The following SPATA6 variants were observed in gnomAD, a reference collection of about 807,000 sequenced individuals.
SPATA6 encodes the protein spermatogenesis-associated protein 6.
A neutral mutation model predicts 65.3 loss-of-function variants in SPATA6; 56 were observed. That is an observed-to-expected ratio of 0.86 (90% CI 0.69 to 1.07). The LOEUF is 1.07. SPATA6 is among the 50% of genes least tolerant of loss of function. SPATA6 has a pLI of 0.00. For synonymous variants in SPATA6, 199 were observed against 213.2 expected (o/e 0.93, Z 0.58); for missense variants, 590 against 594.8 (o/e 0.99, Z 0.08).
intron 11 of SPATA6, among the ~76,000 whole-genome samples, chr1:48,324,031 C>T (rs1645682049): frequency 6.6e-6 from 1 of 152,110 alleles, no homozygotes; most frequent in South Asian, 2.1e-4. Context: ...CTCACTGCAG[C>T]CTCGACTGCC....
At chr1:48,272,844 C>T in the SPATA6 span, among the ~76,000 whole-genome samples, 1 of 152,042 alleles carries the variant, frequency 6.6e-6, no homozygotes. Flanking sequence ...GAGGTGATAT[C>T]TCATTGTGGT....
At chr1:48,369,824 C>G (rs150435097) in intron 9 of SPATA6, among the ~76,000 whole-genome samples, 158 of 152,338 alleles carry the variant, frequency 1.0e-3, no homozygotes, top group African/African-American at 3.7e-3. Flanking sequence ...GTGAGATGAA[C>G]CCGGTACCTC....
the SPATA6 span, among the ~76,000 whole-genome samples, chr1:48,278,869 C>T: frequency 1.3e-5 from 2 of 152,132 alleles, no homozygotes; most frequent in African/African-American, 4.8e-5. Context: ...AACTCCAAGA[C>T]ACATAATTGT....
At chr1:48,329,764 TGAGCTCAGCGCA>T (rs1471876224) in intron 11 of SPATA6, among the ~76,000 whole-genome samples, 2 of 152,162 alleles carry the variant, frequency 1.3e-5, no homozygotes, top group African/African-American at 4.8e-5. Flanking sequence ...ACCGCCCATC[TGAGCTCAGCGCA>T]GAACCAGGAG....
intron 5 of SPATA6, among the ~76,000 whole-genome samples, chr1:48,408,338 G>A (rs2147967787): frequency 6.6e-6 from 1 of 152,264 alleles, no homozygotes; most frequent in African/African-American, 2.4e-5. Flanking sequence ...CTGCATGGAA[G>A]ACTTACTTTC....
intron 11 of SPATA6, among the ~76,000 whole-genome samples, chr1:48,333,263 T>C (rs1330318729): frequency 6.6e-6 from 1 of 152,224 alleles, no homozygotes; most frequent in Non-Finnish European, 1.5e-5. Context: ...CCATGCTGCA[T>C]GCTTCCTGTC....
At chr1:48,289,242 G>A in the SPATA6 span, among the ~76,000 whole-genome samples, 1 of 152,222 alleles carries the variant, frequency 6.6e-6, no homozygotes, top group Non-Finnish European at 1.5e-5. Flanking sequence ...AGGGTCTGGA[G>A]TGGACCTCCA....
intron 11 of SPATA6, chr1:48,325,515 C>A: frequency 8.2e-7 from 1 of 1,223,466 alleles, no homozygotes; most frequent in Non-Finnish European, 1.2e-6. Context: ...ATCATCCTCA[C>A]TGAATGTCAC....
At position 48,297,836 on chromosome 1, in the gene SPATA6, G is replaced by GC. The variant is rs1557518438; in HGVS notation, c.*876_*877insG. On this transcript the variant is annotated 3_prime_UTR_variant, in exon 13 of 13. Coordinates refer to ENST00000371847, the MANE Select transcript of SPATA6 (RefSeq NM_019073.4). ...TTTTACTCACATTGTGGTTCCAAGT[G>GC]TTTTTTTTTTTAAAGTGAGGATACT... 1 of 145,514 alleles carries GC rather than the reference G, an allele frequency of 6.9e-6. No individual in the cohort carries two copies. Among genetic ancestry groups the GC allele is most frequent in the Non-Finnish European group, 1.5e-5 (1 of 65,952 alleles). The allele number at this position is 145,514 out of a possible 1,614,324, so 9.0% of individuals were successfully genotyped here.
At chr1:48,425,844 T>TA (rs941271237) in intron 3 of SPATA6, among the ~76,000 whole-genome samples, 8 of 151,108 alleles carry the variant, frequency 5.3e-5, no homozygotes, top group Non-Finnish European at 7.4e-5. Context: ...ATGTAAAAGG[T>TA]AAAAAAAATG....
chr1:48,467,723 C>A (rs979373810), intron 1 of SPATA6, among the ~76,000 whole-genome samples: 4 of 151,968 alleles, frequency 2.6e-5, no homozygotes, highest in African/African-American at 9.7e-5. Context: ...AAACAAAAAA[C>A]CTAATTTTAA....
chr1:48,407,829 TA>T (rs1335065627), intron 5 of SPATA6, among the ~76,000 whole-genome samples: 6 of 152,184 alleles, frequency 3.9e-5, no homozygotes, highest in African/African-American at 1.2e-4. Context: ...ATCTTCCAAA[TA>T]AATGCAAAAG....
intron 5 of SPATA6, 62 bp downstream of exon 5, chr1:48,411,402 T>C: frequency 6.5e-7 from 1 of 1,549,624 alleles, no homozygotes; most frequent in South Asian, 1.3e-5. Flanking sequence ...GCGAGCACTA[T>C]GCGGTGGTTT....
chr1:48,470,156 A>C (rs1457327759), intron 1 of SPATA6, among the ~76,000 whole-genome samples: 1 of 152,190 alleles, frequency 6.6e-6, no homozygotes, highest in Non-Finnish European at 1.5e-5. Flanking sequence ...TCTGCAATAC[A>C]ACTAATACTC....
chr1:48,362,096 T>C (rs1048387146), intron 9 of SPATA6, among the ~76,000 whole-genome samples: 1 of 152,062 alleles, frequency 6.6e-6, no homozygotes. Flanking sequence ...TGTAAGTGCA[T>C]ATGTTCAGAG....
intron 9 of SPATA6, among the ~76,000 whole-genome samples, chr1:48,369,267 A>G (rs1312268332): frequency 6.6e-6 from 1 of 152,194 alleles, no homozygotes; most frequent in East Asian, 1.9e-4. Context: ...GCAGTCTGCC[A>G]GTTCTCAGAT....
Position 48,364,837 on chromosome 1 carries a change from C to T in SPATA6, c.910-5067G>A, listed in dbSNP as rs192444577. Among the ~76,000 whole-genome samples the T allele has an allele frequency of 2.6e-4, 40 of 152,216 alleles. No individual in the cohort carries two copies. The East Asian group carries it at 5.4e-3, about 21-fold the overall frequency. The stretch of plus-strand genomic sequence containing the variant: ...ATTTGTCAATTGTGGCTTTTGTTGC[C>T]ACCGCTTTTGGTGTTTTAGACATGA... On this transcript the variant is annotated intron_variant, in intron 9 of 12. Transcript: ENST00000371847.
At chr1:48,456,433 A>G (rs1020255689) in intron 1 of SPATA6, among the ~76,000 whole-genome samples, 2 of 152,200 alleles carry the variant, frequency 1.3e-5, no homozygotes, top group Admixed American at 1.3e-4. Flanking sequence ...CACATAATTT[A>G]AAAAGTCTAA....
chr1:48,320,195 T>C (rs887486273), intron 11 of SPATA6, among the ~76,000 whole-genome samples: 7 of 152,174 alleles, frequency 4.6e-5, no homozygotes, highest in African/African-American at 1.7e-4. Context: ...AGAAAGTTTA[T>C]TCAAAGGGAT....
Sources: allele counts gnomAD v4.1 joint callset (sites outside exome capture counted in the v4.1 genomes callset), GRCh38; gene constraint gnomAD v4.1.1; transcripts MANE v1.5; gene names NCBI Gene and HGNC (gene_info 2026-07-23, HGNC 2026-07-21).